Variants in KLF16 observed in about 807,000 individuals in gnomAD.
KLF16 encodes Krueppel-like factor 16.
Under a neutral mutation model 6.1 loss-of-function variants are expected in KLF16, and 6 were observed. That is an observed-to-expected ratio of 0.98 (90% CI 0.54 to 1.93). KLF16 has a LOEUF of 1.93. Ranked by LOEUF, KLF16 falls within the 30% of genes most tolerant of loss-of-function variation. KLF16 has a pLI of 0.01. For missense variants in KLF16, 355 were observed against 363.8 expected (o/e 0.98, Z 0.20); for synonymous variants, 211 against 176.5 (o/e 1.20, Z -1.55).
Position 1,859,988 on chromosome 19 carries a change from C to T in KLF16, c.457+3053G>A, listed in dbSNP as rs551706437. Among the ~76,000 whole-genome samples the T allele has an allele frequency of 4.6e-5, 7 of 152,194 alleles. No individual in the cohort carries two copies. The East Asian group carries it at 1.2e-3, about 25-fold the overall frequency. On this transcript the variant is annotated intron_variant, in intron 1 of 1. Coordinates refer to ENST00000250916, the MANE Select transcript of KLF16 (RefSeq NM_031918.4). ...GAAAACGATCAGGCCCCAAATGTCTCGGTAAGTGCGGAGGAGAGAAGCCCT... is the reference window on the plus strand; with the variant it reads ...GAAAACGATCAGGCCCCAAATGTCTTGGTAAGTGCGGAGGAGAGAAGCCCT...
upstream of KLF16, among the ~76,000 whole-genome samples, chr19:1,863,871 G>C (rs1426356560): frequency 1.4e-5 from 2 of 147,402 alleles, no homozygotes; most frequent in Non-Finnish European, 3.0e-5. Context: ...AGCGTCTTAG[G>C]CCCGGAGCGC....
At chr19:1,855,005 C>T (rs1486669129) in intron 1 of KLF16, among the ~76,000 whole-genome samples, 4 of 152,148 alleles carry the variant, frequency 2.6e-5, no homozygotes, top group African/African-American at 9.7e-5. Flanking sequence ...AAGGACTCTC[C>T]GGCGAGCCCA....
At chr19:1,873,743 G>T in the KLF16 span, among the ~76,000 whole-genome samples, 1 of 152,242 alleles carries the variant, frequency 6.6e-6, no homozygotes, top group Non-Finnish European at 1.5e-5. Flanking sequence ...GGCCTCCCCT[G>T]TCGCCACCCC....
intron 1 of KLF16, among the ~76,000 whole-genome samples, chr19:1,856,708 C>T (rs1233320840): frequency 2.6e-5 from 4 of 152,328 alleles, no homozygotes; most frequent in South Asian, 2.1e-4. Context: ...AGTCTGGGGA[C>T]GGGGTCTGGC....
chr19:1,865,463 C>T (rs1349635728), upstream of KLF16, among the ~76,000 whole-genome samples: 2 of 152,246 alleles, frequency 1.3e-5, no homozygotes, highest in African/African-American at 2.4e-5. Context: ...AACCATGCGT[C>T]TTCCACTGAT....
At chr19:1,862,267 T>A (rs537595515) in intron 1 of KLF16, among the ~76,000 whole-genome samples, 13 of 152,256 alleles carry the variant, frequency 8.5e-5, no homozygotes, top group African/African-American at 3.1e-4. Flanking sequence ...CCGGTTCCCC[T>A]CGCCGCCCCG....
Position 1,855,137 on chromosome 19 carries a change from C to CTGGGAGCGTGT in KLF16, c.458-378_458-377insACACGCTCCCA. On this transcript the variant is annotated intron_variant, in intron 1 of 1. Coordinates refer to ENST00000250916, the MANE Select transcript of KLF16 (RefSeq NM_031918.4). The stretch of plus-strand genomic sequence containing the variant: ...TAGCAAAGGCCTCCCAGTGTCTGTC[C>CTGGGAGCGTGT]CAGGCACAGGCACGCTCAGAAGGCA... Among the ~76,000 whole-genome samples, 2 of 152,202 alleles carry CTGGGAGCGTGT rather than the reference C, an allele frequency of 1.3e-5. 1 individual carries two copies. Among genetic ancestry groups the CTGGGAGCGTGT allele is most frequent in the South Asian group, 4.1e-4 (2 of 4,828 alleles).
At chr19:1,874,776 A>C in the KLF16 span, 42 of 126,202 alleles carry the variant, frequency 3.3e-4, no homozygotes, top group Non-Finnish European at 4.8e-4. Context: ...AAAAAAAAAA[A>C]ACACTTCTAC....
At chr19:1,855,803 G>A (rs2145363849) in intron 1 of KLF16, among the ~76,000 whole-genome samples, 1 of 152,362 alleles carries the variant, frequency 6.6e-6, no homozygotes, top group East Asian at 1.9e-4. Flanking sequence ...AAAGGGCCCT[G>A]CATCCCCGAA....
chr19:1,863,670 G>T, upstream of KLF16: 1 of 156,308 alleles, frequency 6.4e-6, no homozygotes, highest in South Asian at 1.9e-4. Flanking sequence ...GACGCGTCCT[G>T]ACGCACCGGA....
chr19:1,863,541 G>C lies in KLF16; in HGVS notation c.-44C>G, dbSNP rs1294968534. Reference sequence around the variant, plus strand: ...GCGCGGCGGGCGGAGCGGAGGCGGCGGGAGCGGCGTCCGTCCGGCCGGCGG... The same window carrying C: ...GCGCGGCGGGCGGAGCGGAGGCGGCCGGAGCGGCGTCCGTCCGGCCGGCGG... On this transcript the variant is annotated 5_prime_UTR_variant, in exon 1 of 2. Coordinates refer to ENST00000250916, the MANE Select transcript of KLF16 (RefSeq NM_031918.4). 1 of 932,216 alleles carries C rather than the reference G, an allele frequency of 1.1e-6. No homozygotes were observed. Among genetic ancestry groups the C allele is most frequent in the African/African-American group, 1.8e-5 (1 of 55,490 alleles). The allele number at this position is 932,216 out of a possible 1,614,324, so 57.7% of individuals were successfully genotyped here.
chr19:1,857,080 G>C lies in KLF16; in HGVS notation c.458-2320C>G, dbSNP rs2011968493. Among the ~76,000 whole-genome samples the C allele has an allele frequency of 6.6e-6, 1 of 151,744 alleles. No homozygotes were observed. Among genetic ancestry groups the C allele is most frequent in the Non-Finnish European group, 1.5e-5 (1 of 67,942 alleles). ...CCGCTCACGTGGTCCCACTCCCGCC[G>C]GGGCCAGGGGGCCCGGGCCAGGGTC... On this transcript the variant is annotated intron_variant, in intron 1 of 1. Transcript: ENST00000250916. The surrounding 1 kb of genome is among the most constrained non-coding windows in gnomAD (Gnocchi z 4.7).
upstream of KLF16, among the ~76,000 whole-genome samples, chr19:1,863,802 G>C (rs2012129806): frequency 7.1e-6 from 1 of 141,184 alleles, no homozygotes; most frequent in African/African-American, 2.6e-5. Flanking sequence ...GCCGGGGGCG[G>C]GGCTCGGGCC....
At position 1,854,705 on chromosome 19, in the gene KLF16, G is replaced by A. The variant is rs377591870; in HGVS notation, c.513C>T (p.Ser171=). The change falls in exon 2 of 2, where the codon TCC becomes TCT. Residue 171 remains serine, a synonymous_variant. Transcript: ENST00000250916. The stretch of plus-strand genomic sequence containing the variant: ...TCCGGTGGTGGCGGGCCAGCTCGTC[G>A]GAGCGGGCGAACTTCTTGTCGCAGC... ...WQGCDKKFAR[S]DELARHHRTH... 1.9e-5 allele frequency: 30 copies of A among 1,599,424 alleles called. No homozygotes were observed. The highest frequency in any genetic ancestry group is 1.2e-4 in the African/African-American group (9 of 74,798).
Position 1,853,684 on chromosome 19 carries a change from C to T in KLF16, c.*775G>A, listed in dbSNP as rs2011884189. The T allele has an allele frequency of 6.6e-6, 1 of 152,664 alleles. No homozygotes were observed. The highest frequency in any genetic ancestry group is 1.5e-5 in the Non-Finnish European group (1 of 68,082). The allele number at this position is 152,664 out of a possible 1,614,324, so 9.5% of individuals were successfully genotyped here. On this transcript the variant is annotated 3_prime_UTR_variant, in exon 2 of 2. Transcript: ENST00000250916. ...CAGAGAGGGCGAGCTAGGGCCCCCA[C>T]ACCCGAGGACAGAGGAAAATAAATA...
upstream of KLF16, among the ~76,000 whole-genome samples, chr19:1,863,879 C>T (rs2012132090): frequency 6.8e-6 from 1 of 147,832 alleles, no homozygotes; most frequent in Non-Finnish European, 1.5e-5. Flanking sequence ...AGGCCCGGAG[C>T]GCGCCTTCTC....
At chr19:1,859,418 C>T (rs1178576939) in intron 1 of KLF16, among the ~76,000 whole-genome samples, 4 of 152,130 alleles carry the variant, frequency 2.6e-5, no homozygotes, top group Admixed American at 6.5e-5. Flanking sequence ...TCCTGCCCTC[C>T]TCAACCCCTC....
At chr19:1,873,165 G>A in the KLF16 span, among the ~76,000 whole-genome samples, 1 of 152,180 alleles carries the variant, frequency 6.6e-6, no homozygotes, top group Non-Finnish European at 1.5e-5. Flanking sequence ...CAGCCGGGTG[G>A]GTCCCACCAG....
the KLF16 span, among the ~76,000 whole-genome samples, chr19:1,869,930 C>CTTTTT: frequency 1.8e-5 from 2 of 109,724 alleles, no homozygotes; most frequent in Non-Finnish European, 3.5e-5. Context: ...AATACTTTTT[C>CTTTTT]TTTTTTTTTT....
Sources: allele counts gnomAD v4.1 joint callset (sites outside exome capture counted in the v4.1 genomes callset), GRCh38; gene constraint gnomAD v4.1.1; non-coding constraint Gnocchi (gnomAD v3.1); transcripts MANE v1.5; gene names NCBI Gene and HGNC (gene_info 2026-07-23, HGNC 2026-07-21).